The following CTNNA3 variants were observed in gnomAD, a reference collection of about 807,000 sequenced individuals.
CTNNA3 encodes catenin alpha 3.
In CTNNA3, 76 loss-of-function variants were observed where a neutral mutation model predicts 95.7. The observed-to-expected ratio is 0.79, with a 90% confidence interval of 0.66 to 0.96. CTNNA3 has a LOEUF of 0.96. CTNNA3 is among the 40% of genes least tolerant of loss of function. The pLI is 0.00. For missense variants in CTNNA3, 1,191 were observed against 1,089.8 expected, an observed-to-expected ratio of 1.09 and a Z score of -1.31; for synonymous variants, 431 against 374.4, an observed-to-expected ratio of 1.15 and a Z score of -1.74.
At chr10:66,103,331 G>T (rs2081730456) in intron 13 of CTNNA3, 82 bp from the exon 14 acceptor site, 6 of 1,068,946 alleles carry the variant, frequency 5.6e-6, no homozygotes, top group Non-Finnish European at 8.6e-6. Flanking sequence ...TACCTTAAAA[G>T]GGTAATCATA....
intron 2 of CTNNA3, among the ~76,000 whole-genome samples, chr10:67,640,271 A>C (rs1369378310): frequency 6.6e-6 from 1 of 152,222 alleles, no homozygotes; most frequent in East Asian, 1.9e-4. Context: ...CAAAGAGAAT[A>C]AAATACCTAG....
intron 3 of CTNNA3, among the ~76,000 whole-genome samples, chr10:67,552,955 A>G (rs1044937204): frequency 1.3e-5 from 2 of 151,914 alleles, no homozygotes; most frequent in African/African-American, 2.4e-5. Flanking sequence ...TTCTTCATCA[A>G]TTTTTTTCTT....
intron 9 of CTNNA3, among the ~76,000 whole-genome samples, chr10:66,650,565 C>A (rs944097118): frequency 2.0e-5 from 3 of 152,080 alleles, no homozygotes; most frequent in Non-Finnish European, 1.5e-5. Context: ...GCCGCGGACC[C>A]TCACGATGAA....
chr10:66,946,912 G>A (rs1848302166), intron 7 of CTNNA3, among the ~76,000 whole-genome samples: 1 of 152,046 alleles, frequency 6.6e-6, no homozygotes, highest in African/African-American at 2.4e-5. Context: ...TTTTCCTACA[G>A]TCTCTTTTCT....
chr10:66,154,858 G>A (rs1380773850), intron 13 of CTNNA3, among the ~76,000 whole-genome samples: 1 of 150,680 alleles, frequency 6.6e-6, no homozygotes, highest in East Asian at 1.9e-4. Flanking sequence ...TACAGCTGTG[G>A]TAACCAAACA....
intron 5 of CTNNA3, among the ~76,000 whole-genome samples, chr10:67,300,824 G>C (rs772754056): frequency 3.2e-4 from 48 of 152,220 alleles, no homozygotes; most frequent in Admixed American, 1.1e-3. Context: ...GTTTCTCCTG[G>C]ACCAGGCCTT....
chr10:67,036,048 C>T (rs1240814973), intron 7 of CTNNA3, among the ~76,000 whole-genome samples: 12 of 152,186 alleles, frequency 7.9e-5, no homozygotes, highest in Admixed American at 7.2e-4. Flanking sequence ...GAATTTGCAT[C>T]TTCTAACCTC....
chr10:67,173,492 T>G, intron 7 of CTNNA3, among the ~76,000 whole-genome samples: 1 of 152,204 alleles, frequency 6.6e-6, no homozygotes, highest in South Asian at 2.1e-4. Context: ...TCTTTATATG[T>G]TTCCTTATAT....
chr10:66,227,235 G>A (rs911952019), intron 13 of CTNNA3, among the ~76,000 whole-genome samples: 1 of 152,120 alleles, frequency 6.6e-6, no homozygotes, highest in African/African-American at 2.4e-5. Flanking sequence ...TAAGAGTGGT[G>A]AAAGTGGGCA....
chr10:66,601,507 A>G (rs1843921602), intron 10 of CTNNA3, among the ~76,000 whole-genome samples: 1 of 151,914 alleles, frequency 6.6e-6, no homozygotes, highest in Non-Finnish European at 1.5e-5. Flanking sequence ...CATTCTTTCT[A>G]TGGAGCAATT....
chr10:67,620,281 C>T (rs1480102250), intron 2 of CTNNA3, among the ~76,000 whole-genome samples: 3 of 152,152 alleles, frequency 2.0e-5, no homozygotes, highest in African/African-American at 7.2e-5. Context: ...GATGACCATG[C>T]ATGGGACCCA....
intron 14 of CTNNA3, among the ~76,000 whole-genome samples, chr10:66,081,852 C>G (rs917911631): frequency 6.6e-6 from 1 of 152,156 alleles, no homozygotes; most frequent in East Asian, 1.9e-4. Context: ...TGCAGTGGCT[C>G]ACGCCTGTAA....
intron 7 of CTNNA3, among the ~76,000 whole-genome samples, chr10:66,893,469 G>A (rs977888805): frequency 1.7e-4 from 26 of 151,500 alleles, no homozygotes; most frequent in African/African-American, 6.3e-4. Flanking sequence ...AATAAACTCA[G>A]TCTAAAGCAT....
At chr10:66,557,589 T>C (rs1842428819) in intron 10 of CTNNA3, among the ~76,000 whole-genome samples, 1 of 152,146 alleles carries the variant, frequency 6.6e-6, no homozygotes, top group Non-Finnish European at 1.5e-5. Flanking sequence ...GGTAGGATTT[T>C]TGTTTCTCTC....
At chr10:66,217,316 G>A (rs2088613452) in intron 13 of CTNNA3, among the ~76,000 whole-genome samples, 1 of 146,862 alleles carries the variant, frequency 6.8e-6, no homozygotes, top group South Asian at 2.1e-4. Context: ...TCACGCCACT[G>A]CACTCTAGCC....
chr10:67,068,658 G>A (rs544606884), intron 7 of CTNNA3, among the ~76,000 whole-genome samples: 40 of 152,324 alleles, frequency 2.6e-4, no homozygotes, highest in African/African-American at 9.6e-4. Context: ...GCTGAGGGGA[G>A]AGAGTTTTAA....
chr10:67,746,130 A>G (rs918230846), intron 1 of CTNNA3, among the ~76,000 whole-genome samples: 1 of 152,218 alleles, frequency 6.6e-6, no homozygotes, highest in Non-Finnish European at 1.5e-5. Flanking sequence ...GTCCTGAGGA[A>G]AAACAACAAA....
intron 5 of CTNNA3, among the ~76,000 whole-genome samples, chr10:67,289,962 C>T (rs1174291888): frequency 6.6e-6 from 1 of 151,128 alleles, no homozygotes; most frequent in Non-Finnish European, 1.5e-5. Flanking sequence ...ACATGCCAGG[C>T]TAATTTAAAA....
At chr10:66,011,387 AC>A (rs1257929295) in intron 15 of CTNNA3, among the ~76,000 whole-genome samples, 1 of 151,892 alleles carries the variant, frequency 6.6e-6, no homozygotes, top group Non-Finnish European at 1.5e-5. Flanking sequence ...GCTAGTTAAA[AC>A]CAGAGACACT....
Sources: allele counts gnomAD v4.1 joint callset (sites outside exome capture counted in the v4.1 genomes callset), GRCh38; gene constraint gnomAD v4.1.1; transcripts MANE v1.5; gene names NCBI Gene and HGNC (gene_info 2026-07-23, HGNC 2026-07-21).